KIF3B: variants seen among roughly 807,000 people sequenced by gnomAD.
KIF3B encodes kinesin-like protein KIF3B.
KIF3B carries 38 observed loss-of-function variants against 74.3 expected under a neutral mutation model. The observed-to-expected ratio is 0.51, with a 90% CI of 0.39 to 0.67. The LOEUF (loss-of-function observed/expected upper bound fraction) is 0.67. KIF3B is among the 30% of genes least tolerant of loss of function. The pLI, the probability that KIF3B is intolerant of heterozygous loss-of-function variation, is 0.00. For missense variants in KIF3B, 649 were observed against 932.0 expected, an observed-to-expected ratio of 0.70 and a Z score of 3.95; for synonymous variants, 326 against 342.5, an observed-to-expected ratio of 0.95 and a Z score of 0.53.
chr20:32,320,546 CCTT>C (rs1336133716), intron 5 of KIF3B, among the ~76,000 whole-genome samples: 3 of 147,582 alleles, frequency 2.0e-5, no homozygotes, highest in Admixed American at 6.8e-5. Context: ...AGAGATAAGG[CCTT>C]CTTCTGTCAA....
At chr20:32,331,195 A>G in intron 8 of KIF3B, 28 bp from the exon 9 acceptor site, 1 of 1,479,000 alleles carries the variant, frequency 6.8e-7, no homozygotes, top group East Asian at 2.3e-5. Flanking sequence ...GGGGACATGT[A>G]ATATAAACAT....
At chr20:32,307,449 C>T (rs987812143) in intron 1 of KIF3B, among the ~76,000 whole-genome samples, 1 of 152,082 alleles carries the variant, frequency 6.6e-6, no homozygotes, top group African/African-American at 2.4e-5. Flanking sequence ...GATGGGAACC[C>T]GGGTTGCTCA....
intron 5 of KIF3B, among the ~76,000 whole-genome samples, chr20:32,319,582 GTTTTTTTTTT>G (rs34028388): frequency 1.1e-5 from 1 of 92,020 alleles, no homozygotes; most frequent in Non-Finnish European, 2.1e-5. Context: ...TTTTGTTTTT[GTTTTTTTTTT>G]TTTTTTTTTT....
At chr20:32,312,985 G>C (rs2047809005) in intron 2 of KIF3B, among the ~76,000 whole-genome samples, 1 of 152,126 alleles carries the variant, frequency 6.6e-6, no homozygotes, top group Non-Finnish European at 1.5e-5. Flanking sequence ...GTTTCAGTAT[G>C]CAGTACCCTG....
chr20:32,278,151 T>C (rs1285833208), intron 1 of KIF3B, among the ~76,000 whole-genome samples: 1 of 78,314 alleles, frequency 1.3e-5, no homozygotes, highest in Non-Finnish European at 2.1e-5. Context: ...GTTTATTCAA[T>C]GGGGTCCTAA....
At chr20:32,292,510 G>A (rs1329602928) in intron 1 of KIF3B, among the ~76,000 whole-genome samples, 12 of 151,164 alleles carry the variant, frequency 7.9e-5, no homozygotes, top group African/African-American at 2.7e-4. Context: ...GGCTGAGGTG[G>A]GTGGATCACT....
In KIF3B at chr20:32,327,595, A is replaced by T; in HGVS notation, c.1902A>T (p.Gly634=). The T allele has an allele frequency of 6.2e-7, 1 of 1,613,454 alleles. No homozygotes were observed. Among genetic ancestry groups the T allele is most frequent in the Non-Finnish European group, 8.5e-7 (1 of 1,179,728 alleles). Residue 634 remains glycine, a synonymous_variant, in exon 7 of 9, where the codon GGA becomes GGT. Coordinates refer to ENST00000375712, the MANE Select transcript of KIF3B (RefSeq NM_004798.4). ...TGAAGCGGCCAGTCTCAGCCGTGGG[A>T]TATAAGAGACCATTGAGCCAGCACG... The part of the protein sequence containing the change: ...QMMKRPVSAV[G]YKRPLSQHAR...
chr20:32,280,872 C>T (rs892829067), intron 1 of KIF3B, among the ~76,000 whole-genome samples: 12 of 152,112 alleles, frequency 7.9e-5, no homozygotes, highest in South Asian at 2.1e-4. Flanking sequence ...CCATATCCTT[C>T]GAGGAACTCA....
At chr20:32,315,905 A>G (rs1302765620) in intron 2 of KIF3B, among the ~76,000 whole-genome samples, 5 of 152,090 alleles carry the variant, frequency 3.3e-5, no homozygotes. Context: ...GACCTAACAT[A>G]AAGGGTCTGC....
intron 7 of KIF3B, among the ~76,000 whole-genome samples, chr20:32,329,203 C>G (rs1043778241): frequency 1.3e-5 from 2 of 152,108 alleles, no homozygotes; most frequent in African/African-American, 2.4e-5. Flanking sequence ...CCAACACGCT[C>G]AGCTAATTTT....
intron 1 of KIF3B, among the ~76,000 whole-genome samples, chr20:32,307,629 GGTTATAGTA>G (rs2122687760): frequency 6.6e-6 from 1 of 152,286 alleles, no homozygotes; most frequent in African/African-American, 2.4e-5. Flanking sequence ...TATTTCAACA[GGTTATAGTA>G]GTTCAAGAGA....
At chr20:32,283,662 T>C (rs1347941023) in intron 1 of KIF3B, among the ~76,000 whole-genome samples, 1 of 150,794 alleles carries the variant, frequency 6.6e-6, no homozygotes, top group Non-Finnish European at 1.5e-5. Flanking sequence ...ATACAAAAAT[T>C]AGTCGGGTGT....
intron 1 of KIF3B, among the ~76,000 whole-genome samples, chr20:32,287,522 A>G (rs2047672780): frequency 6.6e-6 from 1 of 151,414 alleles, no homozygotes; most frequent in African/African-American, 2.4e-5. Flanking sequence ...GGATCTCACT[A>G]TGTTGCTCAG....
chr20:32,282,248 C>T (rs1039670203), intron 1 of KIF3B, among the ~76,000 whole-genome samples: 6 of 151,862 alleles, frequency 4.0e-5, no homozygotes, highest in South Asian at 4.2e-4. Context: ...GGATGTGTTT[C>T]GGAGGTAGAA....
At chr20:32,299,401 A>ATTT (rs1216965974) in intron 1 of KIF3B, among the ~76,000 whole-genome samples, 27 of 28,880 alleles carry the variant, frequency 9.3e-4, no homozygotes, top group African/African-American at 3.9e-3. Flanking sequence ...ATATATATAT[A>ATTT]TATTTTTTTT....
chr20:32,329,384 G>T (rs2047919764), intron 7 of KIF3B, among the ~76,000 whole-genome samples: 1 of 138,754 alleles, frequency 7.2e-6, no homozygotes, highest in Non-Finnish European at 1.5e-5. Context: ...GGATCTCACT[G>T]TGTCACCCAA....
At chr20:32,323,323 T>G (rs1403766435) in intron 5 of KIF3B, among the ~76,000 whole-genome samples, 1 of 150,630 alleles carries the variant, frequency 6.6e-6, no homozygotes, top group African/African-American at 2.4e-5. Flanking sequence ...GATCTACATA[T>G]TAGGACTACA....
In KIF3B at chr20:32,310,742, A is replaced by G; in HGVS notation, c.965A>G (p.Tyr322Cys). The change falls in exon 2 of 9, where the codon TAC (tyrosine) becomes TGC (cysteine). Residue 322 changes from tyrosine to cysteine, a missense_variant. Around this residue, in one of 4 missense-constraint regions of KIF3B, gnomAD observed 363 missense variants for 592.8 expected, o/e 0.61. Transcript: ENST00000375712. This position sits in a 1 kb window ranked among gnomAD's most constrained non-coding sequence, Gnocchi z 6.5. ...VMVANVGPAS[Y>C]NVEETLTTLR... ...GTGGCCAACGTGGGGCCTGCCTCTT[A>G]CAACGTAGAAGAGACTCTGACCACT... The G allele has an allele frequency of 1.2e-6, 2 of 1,614,162 alleles. No homozygotes were observed. The highest frequency in any genetic ancestry group is 2.7e-5 in the African/African-American group (2 of 75,040).
intron 5 of KIF3B, among the ~76,000 whole-genome samples, chr20:32,322,111 T>C (rs375352411): frequency 6.6e-6 from 1 of 152,262 alleles, no homozygotes; most frequent in East Asian, 1.9e-4. Context: ...TATTGTAATC[T>C]TAACAGTATT....
Sources: gnomAD v4.1 joint callset for allele counts (sites outside exome capture counted in the v4.1 genomes callset) on GRCh38, gnomAD v4.1.1 for gene constraint, gnomAD v4.1.1 regional missense constraint, Gnocchi (gnomAD v3.1) non-coding constraint, MANE v1.5 for transcripts, NCBI Gene and HGNC (gene_info 2026-07-23, HGNC 2026-07-21) for gene names.